The following SLC12A2 variants were observed in gnomAD, a reference collection of about 807,000 sequenced individuals.
SLC12A2 encodes Na-K-2Cl cotransporter 1.
Under a neutral mutation model 136.3 loss-of-function variants are expected in SLC12A2, and 67 were observed. The ratio of observed to expected loss-of-function variants is 0.49; its 90% CI spans 0.40 to 0.60. The LOEUF is 0.60. SLC12A2 is among the 20% of genes least tolerant of loss of function. SLC12A2 has a pLI of 0.00. For missense variants in SLC12A2, 1,322 were observed against 1,534.7 expected (o/e 0.86, Z 2.32); for synonymous variants, 619 against 562.9 (o/e 1.10, Z -1.41).
intron 6 of SLC12A2, among the ~76,000 whole-genome samples, chr5:128,135,484 C>CT (rs1022073719): frequency 3.3e-5 from 5 of 151,918 alleles, no homozygotes; most frequent in South Asian, 4.2e-4. Flanking sequence ...CTTTTACTAT[C>CT]TTTTTTTTCC....
intron 1 of SLC12A2, among the ~76,000 whole-genome samples, chr5:128,096,844 C>T (rs766763572): frequency 6.6e-5 from 10 of 151,960 alleles, no homozygotes; most frequent in East Asian, 5.8e-4. Context: ...TCATAATAAA[C>T]GGCTTTGTGG....
chr5:128,131,030 T>C (rs755201718), intron 4 of SLC12A2, 37 bp from the exon 5 acceptor site: 7 of 1,602,950 alleles, frequency 4.4e-6, no homozygotes, highest in Admixed American at 3.4e-5. Context: ...ATCCTAACTT[T>C]AGTACCTGTT....
intron 10 of SLC12A2, among the ~76,000 whole-genome samples, chr5:128,147,057 G>A (rs1168871055): frequency 4.8e-5 from 7 of 147,130 alleles, no homozygotes; most frequent in East Asian, 2.0e-4. Context: ...CTGAAGAGAC[G>A]CATAAACCAA....
chr5:128,085,529 CTT>C (rs112517671), intron 1 of SLC12A2, among the ~76,000 whole-genome samples: 2,066 of 152,296 alleles, frequency 0.014, 45 homozygotes, highest in African/African-American at 0.047. Flanking sequence ...TCACATAAGA[CTT>C]ATTTCTTCAG....
rs988610664 is a variant in SLC12A2 at position 128,187,858 on chromosome 5, T to A, written c.*1227T>A. 1 of 152,632 alleles carries A rather than the reference T, an allele frequency of 6.6e-6. No individual in the cohort carries two copies. Among genetic ancestry groups the A allele is most frequent in the African/African-American group, 2.4e-5 (1 of 41,448 alleles). The allele number at this position is 152,632 out of a possible 1,614,324, so 9.5% of individuals were successfully genotyped here. On this transcript the variant is annotated 3_prime_UTR_variant, in exon 27 of 27. Coordinates refer to ENST00000262461, the MANE Select transcript of SLC12A2 (RefSeq NM_001046.3). ...AGTCTAGTAAAATTTTGACAGTGCATATGTACTGTTACTAAAAGCTTTATA... is the reference window on the plus strand; with the variant it reads ...AGTCTAGTAAAATTTTGACAGTGCAAATGTACTGTTACTAAAAGCTTTATA...
intron 11 of SLC12A2, 118 bp from the exon 12 acceptor site, chr5:128,148,635 TA>T: frequency 2.6e-6 from 2 of 776,860 alleles, no homozygotes; most frequent in Non-Finnish European, 4.0e-6. Flanking sequence ...TGGGACAGGA[TA>T]AAAGAGATGA....
intron 23 of SLC12A2, 123 bp from the exon 24 acceptor site, chr5:128,182,732 A>G (rs1191680787): frequency 3.3e-6 from 2 of 603,364 alleles, no homozygotes; most frequent in South Asian, 2.6e-5. Context: ...ATTAATTCAA[A>G]TGGATATTGT....
chr5:128,136,924 T>G (rs1283605819), intron 7 of SLC12A2, among the ~76,000 whole-genome samples: 1 of 152,182 alleles, frequency 6.6e-6, no homozygotes, highest in African/African-American at 2.4e-5. Context: ...TTATTTCTTC[T>G]CAGGCTTTTC....
At chr5:128,140,082 T>C (rs2126709985) in intron 9 of SLC12A2, among the ~76,000 whole-genome samples, 1 of 152,292 alleles carries the variant, frequency 6.6e-6, no homozygotes, top group East Asian at 1.9e-4. Flanking sequence ...CACTGCAACC[T>C]CCGCCTCCCA....
chr5:128,148,317 G>A (rs1206626786), intron 11 of SLC12A2, among the ~76,000 whole-genome samples: 1 of 151,756 alleles, frequency 6.6e-6, no homozygotes, highest in African/African-American at 2.4e-5. Flanking sequence ...AGTGAGTACA[G>A]TAAAGGTAGA....
intron 5 of SLC12A2, among the ~76,000 whole-genome samples, chr5:128,131,812 C>G (rs1177548811): frequency 6.6e-6 from 1 of 151,976 alleles, no homozygotes; most frequent in Non-Finnish European, 1.5e-5. Context: ...TTGAGACCAC[C>G]CTGACCAACG....
chr5:128,164,062 T>A (rs774849376), intron 17 of SLC12A2, among the ~76,000 whole-genome samples: 9 of 152,112 alleles, frequency 5.9e-5, no homozygotes, highest in Non-Finnish European at 1.0e-4. Context: ...AGGAAGGAAA[T>A]GAATGAAAAA....
At chr5:128,146,544 T>C (rs1395260475) in intron 10 of SLC12A2, among the ~76,000 whole-genome samples, 1 of 151,522 alleles carries the variant, frequency 6.6e-6, no homozygotes, top group Non-Finnish European at 1.5e-5. Context: ...TGGTGTTTTT[T>C]TTTTTTTTAA....
chr5:128,153,412 A>G (rs920059481), intron 15 of SLC12A2, among the ~76,000 whole-genome samples: 4 of 152,116 alleles, frequency 2.6e-5, no homozygotes, highest in Non-Finnish European at 4.4e-5. Context: ...AAAATTAGCC[A>G]GGCGTAGTGG....
chr5:128,144,357 A>T (rs1368194085), intron 10 of SLC12A2, among the ~76,000 whole-genome samples: 2 of 152,292 alleles, frequency 1.3e-5, no homozygotes, highest in Admixed American at 1.3e-4. Flanking sequence ...TGGCATTTGG[A>T]GAGTGAAGAA....
At chr5:128,152,593 C>G in intron 14 of SLC12A2, 113 bp from the exon 15 acceptor site, 2 of 716,226 alleles carry the variant, frequency 2.8e-6, no homozygotes, top group Non-Finnish European at 5.2e-6. Flanking sequence ...TAGTGTATTT[C>G]AGCAATTGAC....
chr5:128,122,904 T>C (rs141439351), intron 4 of SLC12A2, among the ~76,000 whole-genome samples: 1 of 152,184 alleles, frequency 6.6e-6, no homozygotes, highest in Non-Finnish European at 1.5e-5. Flanking sequence ...ATCAATGAAA[T>C]GTTTGAAGCA....
Position 128,131,002 on chromosome 5 carries a change from G to C in SLC12A2, c.1049-65G>C, listed in dbSNP as rs1313569776. 8 of 1,481,962 alleles carry C rather than the reference G, an allele frequency of 5.4e-6. No homozygotes were observed. The African/African-American group carries it at 8.4e-5, about 16-fold the overall frequency. The allele number at this position is 1,481,962 out of a possible 1,614,324, so 91.8% of individuals were successfully genotyped here. On this transcript the variant is annotated intron_variant, in intron 4 of 26. Transcript: ENST00000262461. ...TTTGTGAATTCATGTATAATTAAAGGATAATTTGGCATTTTAAATCCTAAC... is the reference window on the plus strand; with the variant it reads ...TTTGTGAATTCATGTATAATTAAAGCATAATTTGGCATTTTAAATCCTAAC...
intron 16 of SLC12A2, among the ~76,000 whole-genome samples, chr5:128,161,140 A>G (rs1763021944): frequency 6.6e-6 from 1 of 152,240 alleles, no homozygotes; most frequent in Admixed American, 6.5e-5. Flanking sequence ...GGATCAAAAT[A>G]AGAGTTATGA....
Sources: gnomAD v4.1 joint callset for allele counts (sites outside exome capture counted in the v4.1 genomes callset) on GRCh38, gnomAD v4.1.1 for gene constraint, MANE v1.5 for transcripts, NCBI Gene and HGNC (gene_info 2026-07-23, HGNC 2026-07-21) for gene names.